SLC22A2: variants seen among roughly 807,000 people sequenced by gnomAD.
SLC22A2 encodes organic cation transporter 2.
A neutral mutation model predicts 60.5 loss-of-function variants in SLC22A2; 46 were observed. That is an observed-to-expected ratio of 0.76 (90% CI 0.60 to 0.97). The LOEUF is 0.97. SLC22A2 is among the 50% of genes least tolerant of loss of function. SLC22A2 has a pLI of 0.00. For missense variants in SLC22A2, 701 were observed against 706.6 expected, an observed-to-expected ratio of 0.99 and a Z score of 0.09; for synonymous variants, 303 against 267.0, an observed-to-expected ratio of 1.13 and a Z score of -1.31.
chr6:160,230,514 C>T (rs920214984), intron 9 of SLC22A2, among the ~76,000 whole-genome samples: 4 of 152,086 alleles, frequency 2.6e-5, no homozygotes, highest in Admixed American at 1.3e-4. Context: ...CAGTCAGCTC[C>T]TGACATTAGA....
Position 160,258,521 on chromosome 6 carries a change from T to C in SLC22A2, c.237A>G (p.Gly79=). The C allele has an allele frequency of 4.5e-5, 72 of 1,614,058 alleles. No individual in the cohort carries two copies. The highest frequency in any genetic ancestry group is 6.0e-5 in the Non-Finnish European group (71 of 1,179,976). ...GTCTTGGGGAGGCTTCGCCCGCAGG[T>C]CCTGGGCCCGGCACCGTGTAGTTCA... ...EELNYTVPGP[G]PAGEASPRQC... Residue 79 remains glycine, a synonymous_variant, in exon 1 of 11, where the codon GGA becomes GGG. Transcript: ENST00000366953.
At chr6:160,218,912 A>ACAG (rs892709715) in intron 10 of SLC22A2, among the ~76,000 whole-genome samples, 1 of 716 alleles carries the variant, frequency 1.4e-3, no homozygotes, top group Non-Finnish European at 3.2e-3. Context: ...CGCAGCAATA[A>ACAG]CAGCAGCAGC....
chr6:160,255,250 G>C lies in SLC22A2; in HGVS notation c.518+1364C>G, dbSNP rs149336398. ...AGACAATTAATAACCATGGGTGATGGATGAGGTGCACGTGGCCTGTGCCTC... is the reference window on the plus strand; with the variant it reads ...AGACAATTAATAACCATGGGTGATGCATGAGGTGCACGTGGCCTGTGCCTC... On this transcript the variant is annotated intron_variant, in intron 2 of 10. Transcript: ENST00000366953. Among the ~76,000 whole-genome samples the C allele has an allele frequency of 1.3e-3, 194 of 151,766 alleles. 1 individual carries two copies. Among genetic ancestry groups the C allele is most frequent in the Non-Finnish European group, 2.0e-3 (138 of 67,956 alleles).
At position 160,217,355 on chromosome 6, in the gene SLC22A2, T is replaced by A; in HGVS notation, c.*77A>T. ...GTTTGGTTGAGTTGTATGGGCTTTG[T>A]GATGAGTGCAGGGATTTCTACTTTT... On this transcript the variant is annotated 3_prime_UTR_variant, in exon 11 of 11. Transcript: ENST00000366953. The A allele has an allele frequency of 1.1e-6, 1 of 882,140 alleles. No homozygotes were observed. Among genetic ancestry groups the A allele is most frequent in the Middle Eastern group, 2.2e-4 (1 of 4,466 alleles). The allele number at this position is 882,140 out of a possible 1,614,324, so 54.6% of individuals were successfully genotyped here. A position where few individuals can be genotyped will look rare whatever the true frequency, so the allele number is the denominator to read the frequency against.
chr6:160,237,540 A>G (rs1782930186), intron 9 of SLC22A2, among the ~76,000 whole-genome samples: 1 of 152,220 alleles, frequency 6.6e-6, no homozygotes, highest in South Asian at 2.1e-4. Context: ...TGAATACAAG[A>G]GACCCTAATA....
At chr6:160,219,444 G>A (rs574212914) in intron 10 of SLC22A2, among the ~76,000 whole-genome samples, 21 of 128,528 alleles carry the variant, frequency 1.6e-4, no homozygotes, top group African/African-American at 5.0e-4. Flanking sequence ...CAAGCACTGC[G>A]ACGGGTGCTT....
intron 3 of SLC22A2, 159 bp downstream of exon 3, chr6:160,250,389 G>C (rs943672632): frequency 7.3e-6 from 5 of 686,888 alleles, no homozygotes; most frequent in African/African-American, 5.4e-5. Flanking sequence ...TGCTGAATGA[G>C]TTGATATGCT....
chr6:160,231,793 T>A (rs1308378675), intron 9 of SLC22A2, among the ~76,000 whole-genome samples: 1 of 151,866 alleles, frequency 6.6e-6, no homozygotes, highest in East Asian at 1.9e-4. Flanking sequence ...CCCCTTTCCA[T>A]TCCTTAAAAA....
intron 9 of SLC22A2, among the ~76,000 whole-genome samples, chr6:160,229,106 C>T (rs1427691143): frequency 6.6e-6 from 1 of 151,950 alleles, no homozygotes; most frequent in East Asian, 1.9e-4. Flanking sequence ...ATCCCCTGTC[C>T]TCCTGCTCTT....
At chr6:160,242,713 C>T (rs190250445) in intron 7 of SLC22A2, among the ~76,000 whole-genome samples, 53 of 152,066 alleles carry the variant, frequency 3.5e-4, no homozygotes, top group African/African-American at 1.3e-3. Flanking sequence ...TGCATTCCAC[C>T]CCCCACTGCC....
intron 9 of SLC22A2, among the ~76,000 whole-genome samples, chr6:160,231,632 A>T (rs1454575270): frequency 6.6e-6 from 1 of 151,866 alleles, no homozygotes; most frequent in Non-Finnish European, 1.5e-5. Context: ...TTAGTTCAGG[A>T]TCTGCGCCTT....
Position 160,245,531 on chromosome 6 carries a change from T to C in SLC22A2, c.972A>G (p.Glu324=), listed in dbSNP as rs768785453. 1 of 1,610,014 alleles carries C rather than the reference T, an allele frequency of 6.2e-7. No individual in the cohort carries two copies. The highest frequency in any genetic ancestry group is 1.7e-5 in the Admixed American group (1 of 59,784). Residue 324 remains glutamate, a synonymous_variant, in exon 6 of 11, where the codon GAA becomes GAG. Coordinates refer to ENST00000366953, the MANE Select transcript of SLC22A2 (RefSeq NM_003058.4). ...LPASLQRLRL[E]EETGKKLNPS... Reference sequence around the variant, plus strand: ...GGTTCAATTTCTTGCCAGTTTCCTCTTCAAGTCTCAGGCGCTAAGAAAAGG... The same window carrying C: ...GGTTCAATTTCTTGCCAGTTTCCTCCTCAAGTCTCAGGCGCTAAGAAAAGG...
In SLC22A2 at chr6:160,256,642, A is replaced by C. The variant is rs1004312554; in HGVS notation, c.490T>G (p.Ser164Ala). The change falls in exon 2 of 11, where the codon TCT becomes GCT. Residue 164 changes from serine to alanine, a missense_variant. Transcript: ENST00000366953. Reference sequence around the variant, plus strand: ...TCTGCTATGTAGCCGATACTCATAGAGCCAATAAAGAATCCTACATTCACT... The same window carrying C: ...TCTGCTATGTAGCCGATACTCATAGCGCCAATAAAGAATCCTACATTCACT... The part of the protein sequence containing the change: ...SSVNVGFFIG[S>A]MSIGYIADRF... The C allele has an allele frequency of 6.2e-7, 1 of 1,613,610 alleles. No individual in the cohort carries two copies.
chr6:160,224,629 TA>T (rs1721346038), intron 10 of SLC22A2, 75 bp downstream of exon 10: 1 of 787,664 alleles, frequency 1.3e-6, no homozygotes. Flanking sequence ...AAAGTCAATT[TA>T]ATTCTTTCCA....
chr6:160,235,736 AG>A (rs1445363339), intron 9 of SLC22A2, among the ~76,000 whole-genome samples: 1 of 151,928 alleles, frequency 6.6e-6, no homozygotes, highest in Non-Finnish European at 1.5e-5. Flanking sequence ...GAGTTATAAA[AG>A]GTTTATGAGA....
chr6:160,233,624 CCTT>C (rs1782861570), intron 9 of SLC22A2, among the ~76,000 whole-genome samples: 1 of 151,780 alleles, frequency 6.6e-6, no homozygotes, highest in African/African-American at 2.4e-5. Flanking sequence ...CTATTTTTCT[CCTT>C]CTTTTATTTG....
rs73602433 is a variant in SLC22A2 at position 160,240,908 on chromosome 6, G to A, written c.1501+566C>T. Among the ~76,000 whole-genome samples, 693 of 152,294 alleles carry A rather than the reference G, an allele frequency of 4.6e-3. 6 individuals carry two copies. The highest frequency in any genetic ancestry group is 0.016 in the African/African-American group (673 of 41,556). ...TAGCAGAAGGGAAGTGCTATGTGAC[G>A]CTCCTGAAATCTAATTGCTCCAGGT... On this transcript the variant is annotated intron_variant, in intron 9 of 10. Coordinates refer to ENST00000366953, the MANE Select transcript of SLC22A2 (RefSeq NM_003058.4).
At chr6:160,251,158 T>G (rs1783179995) in intron 2 of SLC22A2, among the ~76,000 whole-genome samples, 1 of 152,222 alleles carries the variant, frequency 6.6e-6, no homozygotes, top group Non-Finnish European at 1.5e-5. Flanking sequence ...TATACCCCCT[T>G]TCTTTTTCAA....
intron 9 of SLC22A2, among the ~76,000 whole-genome samples, chr6:160,239,274 C>A (rs1395917281): frequency 1.3e-5 from 2 of 152,160 alleles, no homozygotes; most frequent in Middle Eastern, 3.2e-3. Context: ...AGGAACTGCC[C>A]ATCCCTTTCC....
Sources: allele counts gnomAD v4.1 joint callset (sites outside exome capture counted in the v4.1 genomes callset), GRCh38; gene constraint gnomAD v4.1.1; transcripts MANE v1.5; gene names NCBI Gene and HGNC (gene_info 2026-07-23, HGNC 2026-07-21).